The following CSMD3 variants were observed in gnomAD, a reference collection of about 807,000 sequenced individuals.
CSMD3 encodes the protein CUB and Sushi multiple domains 3.
A neutral mutation model predicts 435.2 loss-of-function variants in CSMD3; 177 were observed. The observed-to-expected ratio is 0.41, with a 90% CI of 0.36 to 0.46. CSMD3 has a LOEUF of 0.46. Ranked by LOEUF, CSMD3 falls within the 20% of genes least tolerant of loss-of-function variation. The probability of loss-of-function intolerance (pLI) is 0.34; values close to 1 mark genes in which losing one functional copy is unlikely to be tolerated. For synonymous variants in CSMD3, 1,656 were observed against 1,520.5 expected (o/e 1.09, Z -2.07); for missense variants, 4,265 against 4,504.6 (o/e 0.95, Z 1.52).
At chr8:112,451,527 G>C (rs2130600742) in intron 32 of CSMD3, among the ~76,000 whole-genome samples, 1 of 151,736 alleles carries the variant, frequency 6.6e-6, no homozygotes, top group East Asian at 1.9e-4. Flanking sequence ...ACAATTATAA[G>C]TACAAATAAT....
chr8:112,879,344 T>C (rs1240970492), intron 10 of CSMD3, among the ~76,000 whole-genome samples: 4 of 152,094 alleles, frequency 2.6e-5, no homozygotes, highest in African/African-American at 7.2e-5. Context: ...AATTCCAGCC[T>C]AGTAAATCCT....
At chr8:112,394,830 A>C (rs1830731515) in intron 35 of CSMD3, among the ~76,000 whole-genome samples, 1 of 152,250 alleles carries the variant, frequency 6.6e-6, no homozygotes, top group Admixed American at 6.5e-5. Context: ...ATGTAAGGAC[A>C]AAGATCTTAT....
intron 56 of CSMD3, among the ~76,000 whole-genome samples, chr8:112,290,887 T>C (rs1480825255): frequency 6.6e-6 from 1 of 152,012 alleles, no homozygotes; most frequent in Non-Finnish European, 1.5e-5. Flanking sequence ...AGAAGTTTGA[T>C]TTATAACTGC....
intron 10 of CSMD3, among the ~76,000 whole-genome samples, chr8:112,873,064 C>T (rs2081181539): frequency 2.6e-5 from 4 of 152,026 alleles, no homozygotes; most frequent in Admixed American, 2.6e-4. Flanking sequence ...CTCATCCTTT[C>T]CCAAATTATC....
rs187904980 is a variant in CSMD3 at position 112,513,466 on chromosome 8, C to T, written c.4756+3568G>A. ...AACACATATTTATTGGTTAAGTTCA[C>T]TGTCCTACATGGGCATTTGTTTGTG... On this transcript the variant is annotated intron_variant, in intron 28 of 70. Coordinates refer to ENST00000297405, the MANE Select transcript of CSMD3 (RefSeq NM_198123.2). 3.6e-3 allele frequency among the ~76,000 whole-genome samples: 541 copies of T among 152,282 alleles called. 1 individual carries two copies. The highest frequency in any genetic ancestry group is 0.012 in the African/African-American group (519 of 41,556).
At chr8:112,921,172 G>C (rs1418960470) in intron 10 of CSMD3, among the ~76,000 whole-genome samples, 1 of 151,742 alleles carries the variant, frequency 6.6e-6, no homozygotes, top group African/African-American at 2.4e-5. Flanking sequence ...TATAAAGCCA[G>C]AGAACTAACT....
chr8:112,390,771 A>G lies in CSMD3; in HGVS notation c.5827T>C (p.Leu1943=). The G allele has an allele frequency of 6.2e-7, 1 of 1,613,828 alleles. No homozygotes were observed. Among genetic ancestry groups the G allele is most frequent in the Non-Finnish European group, 8.5e-7 (1 of 1,179,722 alleles). ...PTCIVPCGGI[L]TKRKGTILSP... ...AAAATAGTCCCTTTGCGCTTAGTTA[A>G]AATTCCACCACAGGGCACTGAAAAT... The change falls in exon 36 of 71, where the codon TTA becomes CTA. Residue 1943 remains leucine, a synonymous_variant. Transcript: ENST00000297405.
intron 14 of CSMD3, 31 bp downstream of exon 14, chr8:112,689,836 TG>T (rs2076093196): frequency 6.3e-7 from 1 of 1,584,118 alleles, no homozygotes; most frequent in African/African-American, 1.3e-5. Context: ...GGGTAACATA[TG>T]CTATCTGGAA....
chr8:112,524,332 G>C (rs1386305100), intron 27 of CSMD3, among the ~76,000 whole-genome samples: 1 of 150,152 alleles, frequency 6.7e-6, no homozygotes, highest in African/African-American at 2.5e-5. Flanking sequence ...ACCAGTATTA[G>C]TAAGTAAAAA....
chr8:112,406,987 G>A (rs115037956), intron 34 of CSMD3, among the ~76,000 whole-genome samples: 263 of 151,700 alleles, frequency 1.7e-3, no homozygotes, highest in African/African-American at 5.8e-3. Context: ...TTGTTTTACC[G>A]AACTCATTAA....
rs968792301 is a variant in CSMD3, at chr8:113,022,414, G to A, written c.918-3235C>T. On this transcript the variant is annotated intron_variant, in intron 5 of 70. Transcript: ENST00000297405. ...TGACAAATACCAATGGTAAAGGTTG[G>A]AAATATGATAGTAAGCAAGAGAAAA... Among the ~76,000 whole-genome samples the A allele has an allele frequency of 2.6e-5, 4 of 151,746 alleles. No individual in the cohort carries two copies. In the East Asian group the frequency reaches 7.7e-4, roughly 29 times the overall value.
chr8:112,304,583 A>T, intron 52 of CSMD3, 138 bp downstream of exon 52: 2 of 691,694 alleles, frequency 2.9e-6, no homozygotes, highest in East Asian at 5.4e-5. Flanking sequence ...AGAAAATTTA[A>T]AAACGTAACG....
intron 1 of CSMD3, 46 bp from the exon 2 acceptor site, chr8:113,314,839 G>T (rs1179734168): frequency 1.6e-6 from 2 of 1,215,020 alleles, no homozygotes; most frequent in South Asian, 2.4e-5. Context: ...TATAAATCAA[G>T]AACAATCCAT....
intron 1 of CSMD3, among the ~76,000 whole-genome samples, chr8:113,374,232 A>G (rs2094364466): frequency 6.6e-6 from 1 of 152,128 alleles, no homozygotes; most frequent in Non-Finnish European, 1.5e-5. Context: ...AAAACATTAC[A>G]GTCTGATAAT....
intron 57 of CSMD3, among the ~76,000 whole-genome samples, chr8:112,289,020 G>A (rs760428837): frequency 6.6e-6 from 1 of 152,012 alleles, no homozygotes; most frequent in Non-Finnish European, 1.5e-5. Context: ...ATTATATGTG[G>A]TATCTGCTAA....
At chr8:112,335,263 A>C in intron 45 of CSMD3, 66 bp downstream of exon 45, 1 of 1,441,580 alleles carries the variant, frequency 6.9e-7, no homozygotes, top group East Asian at 2.3e-5. Flanking sequence ...TATATATTAC[A>C]TTCACTTTTT....
chr8:113,072,484 T>C (rs139395948), intron 5 of CSMD3, among the ~76,000 whole-genome samples: 241 of 151,884 alleles, frequency 1.6e-3, no homozygotes, highest in African/African-American at 5.7e-3. Context: ...CTATATCTGT[T>C]TTGTTTAGAT....
At chr8:113,098,367 C>T (rs916871474) in intron 5 of CSMD3, among the ~76,000 whole-genome samples, 3 of 151,940 alleles carry the variant, frequency 2.0e-5, no homozygotes, top group East Asian at 1.9e-4. Context: ...AAGAAACAAA[C>T]CATATTCCCC....
chr8:112,613,782 T>C (rs148416335), intron 22 of CSMD3, among the ~76,000 whole-genome samples: 229 of 152,240 alleles, frequency 1.5e-3, no homozygotes, highest in African/African-American at 5.0e-3. Context: ...TTTTTCATGA[T>C]GTATCTATTC....
Sources: gnomAD v4.1 joint callset for allele counts (sites outside exome capture counted in the v4.1 genomes callset) on GRCh38, gnomAD v4.1.1 for gene constraint, MANE v1.5 for transcripts, NCBI Gene and HGNC (gene_info 2026-07-23, HGNC 2026-07-21) for gene names.